Variants in ELOVL7 observed in about 807,000 individuals in gnomAD.
ELOVL7 encodes the protein ELOVL fatty acid elongase 7.
In ELOVL7, 27 loss-of-function variants were observed where a neutral mutation model predicts 35.7. That is an observed-to-expected ratio of 0.76 (90% CI 0.56 to 1.04). The LOEUF is 1.04. Ranked by LOEUF, ELOVL7 falls within the 50% of genes least tolerant of loss-of-function variation. The probability of loss-of-function intolerance (pLI) is 0.00; values close to 1 mark genes in which losing one functional copy is unlikely to be tolerated. For synonymous variants in ELOVL7, 113 were observed against 114.6 expected (o/e 0.99, Z 0.09); for missense variants, 327 against 340.8 (o/e 0.96, Z 0.32).
intron 1 of ELOVL7, among the ~76,000 whole-genome samples, chr5:60,827,976 C>T (rs1746270712): frequency 6.8e-6 from 1 of 147,478 alleles, no homozygotes; most frequent in African/African-American, 2.5e-5. Context: ...CATCTAGGCT[C>T]TGTGCTGGAC....
At chr5:60,842,318 T>C (rs1747220664) in intron 1 of ELOVL7, among the ~76,000 whole-genome samples, 1 of 151,674 alleles carries the variant, frequency 6.6e-6, no homozygotes, top group Admixed American at 6.6e-5. Flanking sequence ...GGACCCTTAA[T>C]GGAAATGAGC....
At chr5:60,761,070 T>C (rs1338227287) in intron 7 of ELOVL7, among the ~76,000 whole-genome samples, 1 of 152,176 alleles carries the variant, frequency 6.6e-6, no homozygotes, top group Non-Finnish European at 1.5e-5. Context: ...TAATTAATAA[T>C]GTTTTTTGTA....
At chr5:60,768,019 G>A in intron 4 of ELOVL7, 116 bp from the exon 5 acceptor site, 1 of 719,424 alleles carries the variant, frequency 1.4e-6, no homozygotes. Flanking sequence ...AGTCAGTGCA[G>A]AGGAAAAGGT....
At chr5:60,836,696 CACAA>C (rs1176561492) in intron 1 of ELOVL7, among the ~76,000 whole-genome samples, 1 of 151,946 alleles carries the variant, frequency 6.6e-6, no homozygotes, top group Non-Finnish European at 1.5e-5. Context: ...AAAATAAACA[CACAA>C]ACAAATCACA....
At position 60,757,544 on chromosome 5, in the gene ELOVL7, A is replaced by G. The variant is rs769502101; in HGVS notation, c.601T>C (p.Leu201=). ...SALGPAYQKY[L]WWKKYLTSLQ... ...GATGTCAAATATTTTTTCCACCACA[A>G]ATACTTCTGGTAGGCTGGCCCCAAT... The change falls in exon 8 of 9, where the codon TTG becomes CTG. Residue 201 remains leucine (L), a synonymous_variant. Transcript: ENST00000508821. The G allele has an allele frequency of 6.2e-7, 1 of 1,613,506 alleles. No individual in the cohort carries two copies. The highest frequency in any genetic ancestry group is 8.5e-7 in the Non-Finnish European group (1 of 1,179,618).
At chr5:60,828,509 G>A (rs996923026) in intron 1 of ELOVL7, among the ~76,000 whole-genome samples, 5 of 151,938 alleles carry the variant, frequency 3.3e-5, no homozygotes, top group African/African-American at 1.2e-4. Context: ...TATATTAACT[G>A]TATCATAGTA....
At chr5:60,785,837 AT>A (rs1743547222) in intron 3 of ELOVL7, 1 of 152,260 alleles carries the variant, frequency 6.6e-6, no homozygotes. Context: ...GAACCTTGGC[AT>A]TCCTCAAAGG....
chr5:60,760,971 A>C (rs1004218424), intron 7 of ELOVL7, among the ~76,000 whole-genome samples: 9 of 152,196 alleles, frequency 5.9e-5, no homozygotes, highest in African/African-American at 2.2e-4. Context: ...GATCAAAATA[A>C]GCTATCAAAT....
At chr5:60,815,609 C>G (rs1269075191) in intron 1 of ELOVL7, among the ~76,000 whole-genome samples, 1 of 150,602 alleles carries the variant, frequency 6.6e-6, no homozygotes, top group Non-Finnish European at 1.5e-5. Context: ...GTTCTGTTAC[C>G]CAGGCTGGAA....
At chr5:60,761,325 G>C (rs1741896731) in intron 7 of ELOVL7, among the ~76,000 whole-genome samples, 1 of 152,078 alleles carries the variant, frequency 6.6e-6, no homozygotes, top group Non-Finnish European at 1.5e-5. Context: ...CAAAAGAATA[G>C]CTGGATTGCT....
intron 2 of ELOVL7, among the ~76,000 whole-genome samples, chr5:60,790,786 C>T (rs572279329): frequency 3.3e-5 from 5 of 152,128 alleles, no homozygotes; most frequent in Non-Finnish European, 7.4e-5. Context: ...ATTTCCTAAT[C>T]TGTAAAATGG....
chr5:60,768,639 T>C (rs1309911827), intron 4 of ELOVL7: 3 of 455,192 alleles, frequency 6.6e-6, no homozygotes, highest in Non-Finnish European at 1.3e-5. Flanking sequence ...ATAAAGATTA[T>C]ACTGACATTC....
intron 1 of ELOVL7, among the ~76,000 whole-genome samples, chr5:60,829,110 T>A (rs141573479): frequency 1.9e-4 from 29 of 152,234 alleles, no homozygotes; most frequent in African/African-American, 7.0e-4. Flanking sequence ...TAAGAGTTTT[T>A]TAAGAAAGAA....
At chr5:60,811,196 G>A (rs900912072) in intron 1 of ELOVL7, among the ~76,000 whole-genome samples, 2 of 151,968 alleles carry the variant, frequency 1.3e-5, no homozygotes, top group Non-Finnish European at 2.9e-5. Context: ...TTGCAAATTA[G>A]CTGCATTTTA....
intron 1 of ELOVL7, among the ~76,000 whole-genome samples, chr5:60,800,176 CA>C (rs1325988388): frequency 6.6e-6 from 1 of 151,326 alleles, no homozygotes; most frequent in Non-Finnish European, 1.5e-5. Context: ...AAGGACACTA[CA>C]AAAAAAGAAA....
intron 2 of ELOVL7, among the ~76,000 whole-genome samples, chr5:60,790,149 A>G (rs1743843597): frequency 6.6e-6 from 1 of 152,156 alleles, no homozygotes; most frequent in African/African-American, 2.4e-5. Flanking sequence ...AAAAGAAAAG[A>G]AAAGAAAAAA....
In ELOVL7 at chr5:60,757,507, A is replaced by G; in HGVS notation, c.636+2T>C. The G allele has an allele frequency of 6.2e-7, 1 of 1,612,948 alleles. No individual in the cohort carries two copies. The highest frequency in any genetic ancestry group is 8.5e-7 in the Non-Finnish European group (1 of 1,179,400). ...TGGTTTTAAAGACAATTAATTACTCACAAGCTGTAATGATGTCAAATATTT... is the reference window on the plus strand; with the variant it reads ...TGGTTTTAAAGACAATTAATTACTCGCAAGCTGTAATGATGTCAAATATTT... On this transcript the variant is annotated splice_donor_variant, in intron 8 of 8. Coordinates refer to ENST00000508821, the MANE Select transcript of ELOVL7 (RefSeq NM_024930.3). LOFTEE classifies it high-confidence loss of function.
chr5:60,771,877 C>T lies in ELOVL7; in HGVS notation c.255+26G>A, dbSNP rs182913510. The T allele has an allele frequency of 5.3e-6, 8 of 1,498,820 alleles. No homozygotes were observed. In the African/African-American group the frequency reaches 1.1e-4, roughly 21 times the overall value. The allele number at this position is 1,498,820 out of a possible 1,614,324, so 92.8% of individuals were successfully genotyped here. A position where few individuals can be genotyped will look rare whatever the true frequency, so the allele number is the denominator to read the frequency against. ...ACAGAAAAACTCAGGCAAAATTCTC[C>T]CATTAGGAATACTGAAGACACTTGC... On this transcript the variant is annotated intron_variant, in intron 4 of 8. Coordinates refer to ENST00000508821, the MANE Select transcript of ELOVL7 (RefSeq NM_024930.3).
chr5:60,787,257 C>A, intron 3 of ELOVL7, 77 bp downstream of exon 3: 1 of 1,239,086 alleles, frequency 8.1e-7, no homozygotes, highest in South Asian at 1.3e-5. Context: ...CATTCTGTTC[C>A]AGTGAAATCC....
Sources: allele counts gnomAD v4.1 joint callset (sites outside exome capture counted in the v4.1 genomes callset), GRCh38; gene constraint gnomAD v4.1.1; transcripts MANE v1.5; gene names NCBI Gene and HGNC (gene_info 2026-07-23, HGNC 2026-07-21).